The following INPP4B variants were observed in gnomAD, a reference collection of about 807,000 sequenced individuals.
INPP4B encodes the protein inositol polyphosphate-4-phosphatase type II B.
A neutral mutation model predicts 122.5 loss-of-function variants in INPP4B; 55 were observed. The ratio of observed to expected loss-of-function variants is 0.45; its 90% CI spans 0.36 to 0.56. The LOEUF is 0.56. Ranked by LOEUF, INPP4B falls within the 20% of genes least tolerant of loss-of-function variation. The pLI is 0.00. For synonymous variants in INPP4B, 403 were observed against 388.7 expected (o/e 1.04, Z -0.43); for missense variants, 1,000 against 1,097.7 (o/e 0.91, Z 1.26).
intron 1 of INPP4B, among the ~76,000 whole-genome samples, chr4:142,772,366 A>G (rs919578918): frequency 6.6e-6 from 1 of 152,148 alleles, no homozygotes; most frequent in Non-Finnish European, 1.5e-5. Flanking sequence ...AATACACAGC[A>G]GAAGGAAATA....
chr4:142,631,567 T>C (rs1747961685), intron 2 of INPP4B, among the ~76,000 whole-genome samples: 2 of 152,046 alleles, frequency 1.3e-5, no homozygotes, highest in East Asian at 3.9e-4. Flanking sequence ...ATTGAGGACA[T>C]TAAGCCATGG....
chr4:142,608,842 T>A (rs1316721378), intron 2 of INPP4B, among the ~76,000 whole-genome samples: 1 of 152,178 alleles, frequency 6.6e-6, no homozygotes, highest in East Asian at 1.9e-4. Context: ...AGTGCTGCTA[T>A]ACTAACTTCA....
chr4:142,259,378 G>GAA, intron 11 of INPP4B, among the ~76,000 whole-genome samples: 1 of 145,530 alleles, frequency 6.9e-6, no homozygotes, highest in East Asian at 2.0e-4. Flanking sequence ...TAAAAAAAAA[G>GAA]AAAAAAAAAA....
chr4:142,638,676 G>C (rs550018055), intron 2 of INPP4B, among the ~76,000 whole-genome samples: 40 of 151,680 alleles, frequency 2.6e-4, no homozygotes, highest in African/African-American at 9.7e-4. Flanking sequence ...CCCAAGAGTA[G>C]CTGGGACTAC....
At chr4:142,074,800 T>G (rs1769632284) in intron 25 of INPP4B, among the ~76,000 whole-genome samples, 2 of 151,642 alleles carry the variant, frequency 1.3e-5, no homozygotes. Flanking sequence ...TTACAACACT[T>G]AAACGTAAGC....
chr4:142,091,489 C>A (rs952042587), intron 23 of INPP4B, among the ~76,000 whole-genome samples: 1 of 152,136 alleles, frequency 6.6e-6, no homozygotes, highest in Non-Finnish European at 1.5e-5. Flanking sequence ...ATATTAGTAG[C>A]ACTTAAAAAA....
chr4:142,573,776 C>T (rs958225741), intron 2 of INPP4B, among the ~76,000 whole-genome samples: 7 of 152,020 alleles, frequency 4.6e-5, no homozygotes, highest in African/African-American at 1.4e-4. Context: ...GAACACATTC[C>T]GCAATATTGG....
chr4:142,391,672 G>T (rs1797734792), intron 7 of INPP4B, among the ~76,000 whole-genome samples: 1 of 152,106 alleles, frequency 6.6e-6, no homozygotes, highest in South Asian at 2.1e-4. Flanking sequence ...AGTCCTTAAA[G>T]CTATTGTTAT....
At chr4:142,520,555 T>C (rs1197163415) in intron 2 of INPP4B, among the ~76,000 whole-genome samples, 1 of 151,988 alleles carries the variant, frequency 6.6e-6, no homozygotes, top group Non-Finnish European at 1.5e-5. Context: ...TTTATTATTG[T>C]ATTAAAATTG....
At chr4:142,359,793 C>T (rs1252274113) in intron 7 of INPP4B, among the ~76,000 whole-genome samples, 1 of 151,904 alleles carries the variant, frequency 6.6e-6, no homozygotes, top group African/African-American at 2.4e-5. Context: ...TTTGGTATCC[C>T]ATACTTACTT....
intron 9 of INPP4B, among the ~76,000 whole-genome samples, chr4:142,279,225 C>A (rs1405184455): frequency 2.0e-5 from 3 of 151,898 alleles, no homozygotes; most frequent in African/African-American, 4.8e-5. Context: ...GCTGTCAATT[C>A]TCCTCAAAGT....
chr4:142,229,138 T>A (rs115068016), intron 12 of INPP4B, among the ~76,000 whole-genome samples: 5,187 of 151,336 alleles, frequency 0.034, 289 homozygotes, highest in African/African-American at 0.12. Context: ...CTACATTTAA[T>A]TTATTTATAT....
intron 1 of INPP4B, chr4:142,795,646 T>C (rs1777143143): frequency 6.6e-6 from 1 of 152,010 alleles, no homozygotes. Context: ...CTTAGAACAG[T>C]ATCTGTCACA....
intron 7 of INPP4B, among the ~76,000 whole-genome samples, chr4:142,349,154 T>G (rs1393672361): frequency 6.6e-6 from 1 of 152,078 alleles, no homozygotes; most frequent in Non-Finnish European, 1.5e-5. Context: ...TAAATTAACT[T>G]GAGTCAATTA....
chr4:142,225,875 AT>A (rs1851314868), intron 12 of INPP4B, among the ~76,000 whole-genome samples: 1 of 152,146 alleles, frequency 6.6e-6, no homozygotes, highest in South Asian at 2.1e-4. Context: ...AGGCCTAGGA[AT>A]TTATAATTTT....
intron 14 of INPP4B, among the ~76,000 whole-genome samples, chr4:142,204,157 T>A (rs1841776078): frequency 6.6e-6 from 1 of 152,104 alleles, no homozygotes; most frequent in South Asian, 2.1e-4. Context: ...AAAATTTCAA[T>A]GGAGTTTTCA....
chr4:142,455,925 A>G (rs1317203157), intron 3 of INPP4B, among the ~76,000 whole-genome samples: 1 of 152,000 alleles, frequency 6.6e-6, no homozygotes, highest in Non-Finnish European at 1.5e-5. Context: ...ACCTTTTCAT[A>G]TACTTGTTTG....
At chr4:142,428,403 C>T (rs1279679000) in intron 5 of INPP4B, among the ~76,000 whole-genome samples, 2 of 150,288 alleles carry the variant, frequency 1.3e-5, no homozygotes, top group African/African-American at 2.4e-5. Flanking sequence ...TATAAAAATA[C>T]TACTGTCTTT....
intron 25 of INPP4B, among the ~76,000 whole-genome samples, chr4:142,050,117 GTTTTA>G (rs951972555): frequency 5.3e-5 from 8 of 151,878 alleles, no homozygotes; most frequent in Non-Finnish European, 1.0e-4. Context: ...GGCTCAAATA[GTTTTA>G]TTTTATTTTT....
Sources: allele counts gnomAD v4.1 joint callset (sites outside exome capture counted in the v4.1 genomes callset), GRCh38; gene constraint gnomAD v4.1.1; transcripts MANE v1.5; gene names NCBI Gene and HGNC (gene_info 2026-07-23, HGNC 2026-07-21).